Variants in LRMDA observed in about 807,000 individuals in gnomAD.
The protein encoded by LRMDA is leucine rich melanocyte differentiation associated, also known as leucine-rich melanocyte differentiation-associated protein.
In LRMDA, 18 loss-of-function variants were observed where a neutral mutation model predicts 29.8. That is an observed-to-expected ratio of 0.60 (90% CI 0.42 to 0.90). The LOEUF (loss-of-function observed/expected upper bound fraction) is 0.90. Ranked by LOEUF, LRMDA falls within the 40% of genes least tolerant of loss-of-function variation. The pLI, the probability that LRMDA is intolerant of heterozygous loss-of-function variation, is 0.00. For synonymous variants in LRMDA, 125 were observed against 109.4 expected (o/e 1.14, Z -0.89); for missense variants, 273 against 273.9 (o/e 1.00, Z 0.02).
At chr10:76,012,471 G>A (rs1163568389) in intron 2 of LRMDA, among the ~76,000 whole-genome samples, 1 of 152,104 alleles carries the variant, frequency 6.6e-6, no homozygotes, top group African/African-American at 2.4e-5. Flanking sequence ...TCGGGGGTTG[G>A]GGGGTGCTTT....
At chr10:76,278,443 G>A (rs551165626) in intron 5 of LRMDA, among the ~76,000 whole-genome samples, 2 of 152,246 alleles carry the variant, frequency 1.3e-5, no homozygotes, top group South Asian at 2.1e-4. Flanking sequence ...CATCACTCAT[G>A]TCCCCTATGC....
intron 2 of LRMDA, among the ~76,000 whole-genome samples, chr10:75,928,123 G>A (rs1302443371): frequency 6.6e-6 from 1 of 152,000 alleles, no homozygotes; most frequent in Admixed American, 6.6e-5. Context: ...AGCTTTGCAC[G>A]GTTGGCTATG....
intron 2 of LRMDA, among the ~76,000 whole-genome samples, chr10:75,801,302 A>G (rs185925678): frequency 1.9e-4 from 29 of 152,314 alleles, no homozygotes; most frequent in Admixed American, 8.5e-4. Flanking sequence ...ACAATCTCCA[A>G]CCGCTTTGGC....
intron 6 of LRMDA, among the ~76,000 whole-genome samples, chr10:76,360,431 A>G (rs1260378937): frequency 1.3e-5 from 2 of 152,290 alleles, no homozygotes; most frequent in East Asian, 1.9e-4. Context: ...TTTAAAAAGT[A>G]GAGACAGGAT....
chr10:76,007,847 C>T (rs1485690221), intron 2 of LRMDA, among the ~76,000 whole-genome samples: 4 of 152,104 alleles, frequency 2.6e-5, no homozygotes, highest in East Asian at 1.9e-4. Flanking sequence ...TGCACTCACT[C>T]GCTTCAGATT....
intron 2 of LRMDA, among the ~76,000 whole-genome samples, chr10:75,577,669 A>G (rs903581511): frequency 2.0e-5 from 3 of 152,234 alleles, no homozygotes; most frequent in Non-Finnish European, 2.9e-5. Flanking sequence ...AGGGAAGCCT[A>G]TCACACTAAC....
chr10:75,664,388 C>T (rs1035029880), intron 2 of LRMDA, among the ~76,000 whole-genome samples: 12 of 152,154 alleles, frequency 7.9e-5, no homozygotes, highest in Admixed American at 1.3e-4. Flanking sequence ...TATTGACTAC[C>T]AACTGTATGC....
chr10:76,358,782 C>T (rs747650501), intron 6 of LRMDA, among the ~76,000 whole-genome samples: 1 of 152,154 alleles, frequency 6.6e-6, no homozygotes, highest in Non-Finnish European at 1.5e-5. Context: ...GAGCAGAGAG[C>T]GTGGAATGTT....
chr10:76,525,081 A>T (rs1843161174), intron 6 of LRMDA, among the ~76,000 whole-genome samples: 2 of 152,204 alleles, frequency 1.3e-5, no homozygotes, highest in Admixed American at 6.5e-5. Flanking sequence ...ATTATTCAGT[A>T]GATAGCAAGA....
chr10:76,557,908 A>T lies in LRMDA; in HGVS notation c.*620A>T, dbSNP rs1843577936. The T allele has an allele frequency of 6.6e-6, 1 of 152,320 alleles. No individual in the cohort carries two copies. Among genetic ancestry groups the T allele is most frequent in the South Asian group, 2.1e-4 (1 of 4,834 alleles). The allele number at this position is 152,320 out of a possible 1,614,324, so 9.4% of individuals were successfully genotyped here. On this transcript the variant is annotated 3_prime_UTR_variant, in exon 7 of 7. Coordinates refer to ENST00000611255, the MANE Select transcript of LRMDA (RefSeq NM_001305581.2). ...TCAGTTTGCAGTTTTTCGGAGAACA[A>T]GGTATAACTTCCCAGCCAGGTCATA... is the stretch of plus-strand genomic sequence containing the variant.
chr10:76,217,766 A>G (rs1270693635), intron 5 of LRMDA, among the ~76,000 whole-genome samples: 1 of 152,222 alleles, frequency 6.6e-6, no homozygotes, highest in African/African-American at 2.4e-5. Flanking sequence ...CATATCCTCA[A>G]TAGGAGCCTC....
At chr10:76,114,353 A>T (rs1319717084) in intron 5 of LRMDA, among the ~76,000 whole-genome samples, 1 of 152,172 alleles carries the variant, frequency 6.6e-6, no homozygotes, top group Non-Finnish European at 1.5e-5. Flanking sequence ...GTGGTAGAGG[A>T]TCAGTAAATG....
chr10:75,715,406 C>T (rs887337208), intron 2 of LRMDA, among the ~76,000 whole-genome samples: 2 of 151,996 alleles, frequency 1.3e-5, no homozygotes, highest in African/African-American at 4.8e-5. Flanking sequence ...GTATTCCTAC[C>T]AGAAGGTCCC....
Position 75,549,081 on chromosome 10 carries a change from C to T in LRMDA, c.131+110587C>T, listed in dbSNP as rs1182224299. On this transcript the variant is annotated intron_variant, in intron 2 of 6. Transcript: ENST00000611255. ...CATACAGTATTCACCCTTTTGTGTG[C>T]CTAGTTTCTTTCACTCAAAAGCATA... Among the ~76,000 whole-genome samples the T allele has an allele frequency of 2.6e-5, 4 of 152,122 alleles. No individual in the cohort carries two copies. The East Asian group carries it at 7.7e-4, about 29-fold the overall frequency.
At chr10:75,606,015 G>C (rs1840951911) in intron 2 of LRMDA, among the ~76,000 whole-genome samples, 1 of 152,032 alleles carries the variant, frequency 6.6e-6, no homozygotes, top group Non-Finnish European at 1.5e-5. Flanking sequence ...GCACCACCAT[G>C]CTCAGCTAAT....
intron 5 of LRMDA, among the ~76,000 whole-genome samples, chr10:76,123,342 C>CAA (rs3042573): frequency 5.2e-4 from 75 of 144,114 alleles, no homozygotes; most frequent in Admixed American, 8.2e-4. Context: ...TTATTTCTAC[C>CAA]AAAAAAAAAA....
At position 75,546,149 on chromosome 10, in the gene LRMDA, T is replaced by G. The variant is rs74897712; in HGVS notation, c.131+107655T>G. Among the ~76,000 whole-genome samples the G allele has an allele frequency of 4.4e-4, 67 of 152,318 alleles. No homozygotes were observed. The East Asian group carries it at 0.012, about 27-fold the overall frequency. ...AGAGGAGGAATGAGAGAACATTTAC[T>G]GAGTGTTGACCAGTGTTGGGCATGG... On this transcript the variant is annotated intron_variant, in intron 2 of 6. Coordinates refer to ENST00000611255, the MANE Select transcript of LRMDA (RefSeq NM_001305581.2).
intron 6 of LRMDA, among the ~76,000 whole-genome samples, chr10:76,504,630 G>A (rs986635798): frequency 2.0e-5 from 3 of 151,944 alleles, no homozygotes; most frequent in Non-Finnish European, 2.9e-5. Context: ...AGAATAGTGA[G>A]TAGTGCTCTT....
chr10:75,806,039 A>T (rs1310880000), intron 2 of LRMDA, among the ~76,000 whole-genome samples: 1 of 152,158 alleles, frequency 6.6e-6, no homozygotes, highest in African/African-American at 2.4e-5. Context: ...GCTTTTACTC[A>T]TGGCAGGAGG....
Sources: allele counts gnomAD v4.1 joint callset (sites outside exome capture counted in the v4.1 genomes callset), GRCh38; gene constraint gnomAD v4.1.1; transcripts MANE v1.5; gene names NCBI Gene and HGNC (gene_info 2026-07-23, HGNC 2026-07-21).